The following NHS variants were observed in gnomAD, a reference collection of about 807,000 sequenced individuals.
The protein encoded by NHS is NHS actin remodeling regulator, also known as actin remodeling regulator NHS.
In NHS, 5 loss-of-function variants were observed where a neutral mutation model predicts 72.5. The ratio of observed to expected loss-of-function variants is 0.07; its 90% confidence interval spans 0.04 to 0.14. The LOEUF is 0.14. Among genes scored for constraint, NHS ranks in the 10% least tolerant of loss-of-function variants. The pLI is 1.00. For synonymous variants in NHS, 464 were observed against 547.7 expected (o/e 0.85, Z 2.13); for missense variants, 1,072 against 1,355.7 (o/e 0.79, Z 3.29).
At chrX:17,697,928 C>CA (rs752848645) in intron 3 of NHS, among the ~76,000 whole-genome samples, 447 of 81,135 alleles carry the variant, frequency 5.5e-3, no homozygotes, top group African/African-American at 0.015. Context: ...AGACTACTAG[C>CA]AAAAAAAAAA....
chrX:17,567,543 C>T (rs1002502711), intron 1 of NHS, among the ~76,000 whole-genome samples: 6 of 111,445 alleles, frequency 5.4e-5, no homozygotes, highest in Non-Finnish European at 9.4e-5. Context: ...CAAAGTCGAC[C>T]CCTGTCTAGG....
chrX:17,561,124 A>G (rs1477839053), intron 1 of NHS, among the ~76,000 whole-genome samples: 1 of 112,156 alleles, frequency 8.9e-6, no homozygotes, highest in Non-Finnish European at 1.9e-5. Flanking sequence ...GGGTATCCCT[A>G]TGCTCTTCCA....
chrX:17,493,791 A>G (rs924957145), intron 1 of NHS, among the ~76,000 whole-genome samples: 2 of 111,934 alleles, frequency 1.8e-5, no homozygotes, highest in African/African-American at 6.5e-5. Flanking sequence ...CTGTAGTTAC[A>G]TAACAGTTTC....
intron 1 of NHS, among the ~76,000 whole-genome samples, chrX:17,493,045 G>A (rs1383050867): frequency 1.8e-5 from 2 of 111,381 alleles, no homozygotes; most frequent in Non-Finnish European, 3.8e-5. Context: ...TTTTTGTTGT[G>A]GAAAATGTCA....
At chrX:17,692,657 A>T (rs1001929335) in intron 3 of NHS, among the ~76,000 whole-genome samples, 189 bp downstream of exon 3, 9 of 111,408 alleles carry the variant, frequency 8.1e-5, no homozygotes, top group Non-Finnish European at 1.1e-4. Flanking sequence ...TGGAATACAG[A>T]CATATTTTTT....
intron 1 of NHS, among the ~76,000 whole-genome samples, chrX:17,388,556 G>A (rs772850580): frequency 1.8e-5 from 2 of 110,060 alleles, no homozygotes; most frequent in East Asian, 2.9e-4. Context: ...GGTGTGATCC[G>A]GGGATGGCAA....
chrX:17,665,517 C>T (rs1023016729), intron 1 of NHS, among the ~76,000 whole-genome samples: 2 of 107,698 alleles, frequency 1.9e-5, no homozygotes, highest in African/African-American at 6.8e-5. Context: ...TTAGCAGAGA[C>T]GGGGTTTCAC....
chrX:17,428,832 CTCTCTCTCTT>C (rs1034413595), intron 1 of NHS, among the ~76,000 whole-genome samples: 9 of 111,464 alleles, frequency 8.1e-5, no homozygotes, highest in Non-Finnish European at 1.7e-4. Context: ...ATGTCTCTCT[CTCTCTCTCTT>C]TCTCTCTCTG....
At chrX:17,638,797 A>C (rs2065864629) in intron 1 of NHS, among the ~76,000 whole-genome samples, 1 of 112,111 alleles carries the variant, frequency 8.9e-6, no homozygotes. Context: ...AAAATAATAC[A>C]TCACTGGCAC....
intron 1 of NHS, among the ~76,000 whole-genome samples, chrX:17,506,565 A>ATAAATAAG (rs1555999267): frequency 0.01 from 1,027 of 101,841 alleles, 9 homozygotes; most frequent in African/African-American, 0.015. Flanking sequence ...AAATAAATAA[A>ATAAATAAG]TAAGTAAATA....
chrX:17,463,620 T>C (rs1333273069), intron 1 of NHS, among the ~76,000 whole-genome samples: 1 of 111,247 alleles, frequency 9.0e-6, no homozygotes, highest in Non-Finnish European at 1.9e-5. Flanking sequence ...GCCTCTTGAT[T>C]TTGTTGGGGC....
intron 1 of NHS, among the ~76,000 whole-genome samples, chrX:17,677,441 A>T (rs1033475299): frequency 2.3e-4 from 26 of 111,182 alleles, no homozygotes; most frequent in African/African-American, 8.2e-4. Flanking sequence ...TATATATATC[A>T]AACACTAGGC....
intron 3 of NHS, among the ~76,000 whole-genome samples, chrX:17,704,469 T>C (rs1005482493): frequency 9.2e-6 from 1 of 109,108 alleles, no homozygotes; most frequent in Non-Finnish European, 1.9e-5. Flanking sequence ...CCTGGCTAAT[T>C]TTTTGTATTT....
chrX:17,609,468 G>A (rs1192951231), intron 1 of NHS, among the ~76,000 whole-genome samples: 1 of 111,896 alleles, frequency 8.9e-6, no homozygotes. Context: ...TAGCATTTGG[G>A]TGGTGGTGGT....
At chrX:17,645,631 T>A (rs2065902611) in intron 1 of NHS, among the ~76,000 whole-genome samples, 1 of 111,393 alleles carries the variant, frequency 9.0e-6, no homozygotes, top group African/African-American at 3.3e-5. Flanking sequence ...ATCAGCATCA[T>A]CACTAGGCCA....
chrX:17,688,314 G>A (rs756159245), intron 2 of NHS, among the ~76,000 whole-genome samples: 1 of 111,374 alleles, frequency 9.0e-6, no homozygotes, highest in East Asian at 2.8e-4. Context: ...TATTAGATAT[G>A]GGCAAAAAAT....
At chrX:17,464,095 G>GT (rs201836373) in intron 1 of NHS, among the ~76,000 whole-genome samples, 1,293 of 112,168 alleles carry the variant, frequency 0.012, 19 homozygotes, top group African/African-American at 0.039. Context: ...GGGAAAAGGT[G>GT]TTTTGGTTTC....
intron 1 of NHS, among the ~76,000 whole-genome samples, chrX:17,408,684 T>C: frequency 8.9e-6 from 1 of 111,946 alleles, no homozygotes; most frequent in Non-Finnish European, 1.9e-5. Flanking sequence ...GAATTTTTTT[T>C]CCAAGTAATT....
intron 1 of NHS, among the ~76,000 whole-genome samples, chrX:17,455,849 T>C (rs909861856): frequency 1.8e-5 from 2 of 111,594 alleles, no homozygotes; most frequent in Admixed American, 1.9e-4. Flanking sequence ...GATGTGGCAG[T>C]TGAACCCCTC....
Sources: allele counts gnomAD v4.1 joint callset (sites outside exome capture counted in the v4.1 genomes callset), GRCh38; gene constraint gnomAD v4.1.1; transcripts MANE v1.5; gene names NCBI Gene and HGNC (gene_info 2026-07-23, HGNC 2026-07-21).